Variants in PPP2R5C observed in about 807,000 individuals in gnomAD.
PPP2R5C encodes serine/threonine-protein phosphatase 2A 56 kDa regulatory subunit gamma isoform.
A neutral mutation model predicts 68.9 loss-of-function variants in PPP2R5C; 7 were observed. That is an observed-to-expected ratio of 0.10 (90% CI 0.06 to 0.19). The LOEUF is 0.19. PPP2R5C is among the 10% of genes least tolerant of loss of function. The pLI is 1.00. For missense variants in PPP2R5C, 348 were observed against 641.3 expected (o/e 0.54, Z 4.94); for synonymous variants, 210 against 222.2 (o/e 0.95, Z 0.49).
intron 2 of PPP2R5C, among the ~76,000 whole-genome samples, chr14:101,776,030 C>A (rs555760653): frequency 2.7e-5 from 4 of 149,570 alleles, no homozygotes; most frequent in East Asian, 2.0e-4. Flanking sequence ...GTGCCCCCCC[C>A]CCACTCCACC....
chr14:101,876,142 A>T (rs1006889058), intron 2 of PPP2R5C, among the ~76,000 whole-genome samples: 1 of 151,904 alleles, frequency 6.6e-6, no homozygotes, highest in Non-Finnish European at 1.5e-5. Context: ...TTTGTACTTA[A>T]ATATATATAT....
intron 9 of PPP2R5C, 38 bp downstream of exon 11, chr14:101,901,927 G>T (rs779511917): frequency 1.3e-6 from 2 of 1,590,838 alleles, no homozygotes; most frequent in Middle Eastern, 1.7e-4. Flanking sequence ...AATTCTTCCA[G>T]TGTTCATTTG....
In PPP2R5C at chr14:101,885,769, T is replaced by G. The variant is rs539651383; in HGVS notation, c.629+2207T>G. 1.6e-4 allele frequency among the ~76,000 whole-genome samples: 24 copies of G among 152,374 alleles called. No homozygotes were observed. The East Asian group carries it at 2.7e-3, about 17-fold the overall frequency. ...ATGTTATGTTTCTATTTTATGTTTCTTGGTATCATGATTCCTTTTTAACAA... is the reference window on the plus strand; with the variant it reads ...ATGTTATGTTTCTATTTTATGTTTCGTGGTATCATGATTCCTTTTTAACAA... On this transcript the variant is annotated intron_variant, in intron 5 of 13. Coordinates refer to ENST00000334743, the Ensembl canonical transcript of PPP2R5C.
chr14:101,822,714 CA>C (rs1418432459), intron 1 of PPP2R5C, among the ~76,000 whole-genome samples: 1 of 152,206 alleles, frequency 6.6e-6, no homozygotes, highest in Admixed American at 6.5e-5. Flanking sequence ...TTTTCTCATT[CA>C]AATAGTCTAA....
At chr14:101,780,853 G>T (rs948650581) in intron 2 of PPP2R5C, among the ~76,000 whole-genome samples, 1 of 152,190 alleles carries the variant, frequency 6.6e-6, no homozygotes, top group Non-Finnish European at 1.5e-5. Context: ...TCCGGTGTGA[G>T]GTGTAAGGGG....
chr14:101,903,649 T>C (rs942761195), intron 9 of PPP2R5C, among the ~76,000 whole-genome samples: 3 of 151,998 alleles, frequency 2.0e-5, no homozygotes, highest in South Asian at 2.1e-4. Context: ...TCCAGACACA[T>C]ATGCATAAGG....
At chr14:101,883,156 G>T in intron 3 of PPP2R5C, 101 bp from the exon 6 acceptor site, 1 of 770,408 alleles carries the variant, frequency 1.3e-6, no homozygotes. Context: ...GCTTTGAGAG[G>T]CTAATATTTG....
chr14:101,910,860 T>C (rs558738677), intron 11 of PPP2R5C, among the ~76,000 whole-genome samples: 1 of 151,920 alleles, frequency 6.6e-6, no homozygotes, highest in African/African-American at 2.4e-5. Flanking sequence ...CCCAGCACTT[T>C]GGGAGGCCAA....
chr14:101,822,752 T>C (rs1182956545), intron 1 of PPP2R5C, among the ~76,000 whole-genome samples: 1 of 152,216 alleles, frequency 6.6e-6, no homozygotes, highest in African/African-American at 2.4e-5. Context: ...TTCTGCATTT[T>C]TTTACTTCTA....
At chr14:101,864,173 C>T (rs2042922337) in intron 2 of PPP2R5C, among the ~76,000 whole-genome samples, 1 of 152,166 alleles carries the variant, frequency 6.6e-6, no homozygotes, top group Non-Finnish European at 1.5e-5. Flanking sequence ...ATGAGGTTTT[C>T]TGCATAGACT....
chr14:101,910,986 C>G (rs1421768111), intron 11 of PPP2R5C, among the ~76,000 whole-genome samples: 1 of 152,062 alleles, frequency 6.6e-6, no homozygotes, highest in Admixed American at 6.5e-5. Context: ...CGCCTGTGGT[C>G]CCAGCTACTC....
rs550860883 is a variant in PPP2R5C at position 101,844,698 on chromosome 14, C to T, written c.95-11988C>T. 6.6e-5 allele frequency among the ~76,000 whole-genome samples: 10 copies of T among 152,320 alleles called. No individual in the cohort carries two copies. The South Asian group carries it at 2.1e-3, about 32-fold the overall frequency. The stretch of plus-strand genomic sequence containing the variant: ...GTGTGTATTTTCAGTGTATCTTTTT[C>T]ACACCTCTACACTGCTTTGTCTGCT... On this transcript the variant is annotated intron_variant, in intron 1 of 13. Transcript: ENST00000334743.
intron 9 of PPP2R5C, among the ~76,000 whole-genome samples, chr14:101,903,247 C>T (rs913315497): frequency 3.9e-5 from 6 of 152,136 alleles, no homozygotes; most frequent in African/African-American, 1.4e-4. Context: ...TTAGCTATCG[C>T]TATGGGTAAC....
intron 2 of PPP2R5C, among the ~76,000 whole-genome samples, chr14:101,764,038 C>CGCGCGCGCGCGCGCGCGCGCGGGT (rs140548459): frequency 1.3e-5 from 2 of 151,934 alleles, no homozygotes; most frequent in African/African-American, 4.8e-5. Context: ...TGGGCGCGCG[C>CGCGCGCGCGCGCGCGCGCGCGGGT]ACTTGCGCGT....
chr14:101,903,078 C>G (rs1454304015), intron 9 of PPP2R5C, among the ~76,000 whole-genome samples: 3 of 139,082 alleles, frequency 2.2e-5, no homozygotes, highest in African/African-American at 8.1e-5. Flanking sequence ...TCAAGGCTTT[C>G]AGTGTGAGCA....
chr14:101,771,222 C>CTGTGTGTGT (rs373554849), intron 2 of PPP2R5C, among the ~76,000 whole-genome samples: 1 of 135,396 alleles, frequency 7.4e-6, no homozygotes, highest in East Asian at 2.3e-4. Context: ...TTCTTCATCT[C>CTGTGTGTGT]GTGTGTGTGT....
chr14:101,809,773 T>G, upstream of PPP2R5C: 2 of 1,320,732 alleles, frequency 1.5e-6, no homozygotes, highest in Admixed American at 3.6e-5. Flanking sequence ...TTTAGTGTCA[T>G]TTTAAGTTGC....
intron 1 of PPP2R5C, among the ~76,000 whole-genome samples, chr14:101,823,108 A>G (rs896394451): frequency 6.6e-6 from 1 of 152,238 alleles, no homozygotes. Context: ...GATTTTGAAC[A>G]CTACTTGACA....
chr14:101,896,763 A>G (rs2045364419), intron 8 of PPP2R5C, among the ~76,000 whole-genome samples: 1 of 152,118 alleles, frequency 6.6e-6, no homozygotes, highest in African/African-American at 2.4e-5. Context: ...TTAGGAACCA[A>G]TTCAAATGTT....
Sources: allele counts gnomAD v4.1 joint callset (sites outside exome capture counted in the v4.1 genomes callset), GRCh38; gene constraint gnomAD v4.1.1; transcripts MANE v1.5; gene names NCBI Gene and HGNC (gene_info 2026-07-23, HGNC 2026-07-21).